PTPN9: variants seen among roughly 807,000 people sequenced by gnomAD.
PTPN9 encodes the protein protein tyrosine phosphatase non-receptor type 9.
A neutral mutation model predicts 69.8 loss-of-function variants in PTPN9; 26 were observed. That is an observed-to-expected ratio of 0.37 (90% confidence interval 0.27 to 0.52). The LOEUF (loss-of-function observed/expected upper bound fraction) is 0.52. Ranked by LOEUF, PTPN9 falls within the 20% of genes least tolerant of loss-of-function variation. PTPN9 has a pLI of 0.91. For synonymous variants in PTPN9, 274 were observed against 272.5 expected (o/e 1.01, Z -0.05); for missense variants, 549 against 740.3 (o/e 0.74, Z 3.00).
chr15:75,545,929 C>T (rs1397882109), intron 1 of PTPN9, among the ~76,000 whole-genome samples: 1 of 152,110 alleles, frequency 6.6e-6, no homozygotes, highest in Non-Finnish European at 1.5e-5. Flanking sequence ...GCCTGGGTGA[C>T]AGAGCAAGAT....
intron 1 of PTPN9, among the ~76,000 whole-genome samples, chr15:75,577,054 T>C (rs1421134166): frequency 6.6e-6 from 1 of 152,180 alleles, no homozygotes; most frequent in Admixed American, 6.6e-5. Context: ...GTTTCCATCC[T>C]AGTCCTTGTT....
chr15:75,554,528 T>A (rs984058511), intron 1 of PTPN9, among the ~76,000 whole-genome samples: 1 of 151,640 alleles, frequency 6.6e-6, no homozygotes, highest in Non-Finnish European at 1.5e-5. Context: ...GGTCTCCCCA[T>A]GTTGCCCAGG....
intron 1 of PTPN9, 76 bp downstream of exon 1, chr15:75,578,638 G>T: frequency 8.6e-7 from 1 of 1,165,568 alleles, no homozygotes; most frequent in Non-Finnish European, 1.1e-6. Context: ...CAAAGAGCCG[G>T]CACTCGGGAG....
chr15:75,517,930 G>A (rs1251124258), intron 4 of PTPN9, among the ~76,000 whole-genome samples: 1 of 152,190 alleles, frequency 6.6e-6, no homozygotes, highest in East Asian at 1.9e-4. Context: ...TCAGTAGACT[G>A]GAAGCCCATC....
intron 7 of PTPN9, among the ~76,000 whole-genome samples, chr15:75,501,634 T>A (rs1416806831): frequency 6.6e-6 from 1 of 152,000 alleles, no homozygotes; most frequent in East Asian, 1.9e-4. Flanking sequence ...TCGTTTTTTA[T>A]TTTTGTAGAG....
At position 75,578,605 on chromosome 15, in the gene PTPN9, G is replaced by T; in HGVS notation, c.63+109C>A. ...AGGCCCGCGAGCCGGGCACGGGAGC[G>T]GGGGGCTGCGGCCCCGTGGCTGCAA... On this transcript the variant is annotated intron_variant, in intron 1 of 12. Coordinates refer to ENST00000618819, the MANE Select transcript of PTPN9 (RefSeq NM_002833.4). The T allele has an allele frequency of 4.4e-6, 4 of 913,626 alleles. No homozygotes were observed. In the South Asian group the frequency reaches 1.2e-4, roughly 26 times the overall value. The allele number at this position is 913,626 out of a possible 1,614,324, so 56.6% of individuals were successfully genotyped here.
chr15:75,496,498 CTT>C (rs34799690), intron 7 of PTPN9, among the ~76,000 whole-genome samples: 10 of 146,706 alleles, frequency 6.8e-5, no homozygotes, highest in East Asian at 2.0e-4. Flanking sequence ...GTATTATTAA[CTT>C]TTTTTTTTTT....
At chr15:75,560,590 G>A (rs1343483796) in intron 1 of PTPN9, among the ~76,000 whole-genome samples, 1 of 152,234 alleles carries the variant, frequency 6.6e-6, no homozygotes, top group Non-Finnish European at 1.5e-5. Flanking sequence ...ATAACTTCCT[G>A]GCTGGGTGCA....
At position 75,514,563 on chromosome 15, in the gene PTPN9, G is replaced by A. The variant is rs548559649; in HGVS notation, c.528+2696C>T. On this transcript the variant is annotated intron_variant, in intron 5 of 12. Transcript: ENST00000618819. ...CACTGCACTCAGCCTTGGCAACAGA[G>A]CAAGACCTGGTCTTAAAAAAAAGGA... 3.3e-5 allele frequency among the ~76,000 whole-genome samples: 5 copies of A among 152,260 alleles called. No individual in the cohort carries two copies. In the East Asian group the frequency reaches 7.7e-4, roughly 23 times the overall value.
chr15:75,467,842 T>A lies in PTPN9; in HGVS notation c.*927A>T, dbSNP rs1481545580. 6.6e-6 allele frequency: 1 copy of A among 152,578 alleles called. No homozygotes were observed. Among genetic ancestry groups the A allele is most frequent in the African/African-American group, 2.4e-5 (1 of 41,428 alleles). The allele number at this position is 152,578 out of a possible 1,614,324, so 9.5% of individuals were successfully genotyped here. A position where few individuals can be genotyped will look rare whatever the true frequency, so the allele number is the denominator to read the frequency against. ...CACAGTGGAGGTCTGTTCCCCAAATTGGCCAAGTAAATGTAGAAAAATCAT... is the reference window on the plus strand; with the variant it reads ...CACAGTGGAGGTCTGTTCCCCAAATAGGCCAAGTAAATGTAGAAAAATCAT... On this transcript the variant is annotated 3_prime_UTR_variant, in exon 13 of 13. Coordinates refer to ENST00000618819, the MANE Select transcript of PTPN9 (RefSeq NM_002833.4).
At chr15:75,503,092 C>T (rs1242580457) in intron 7 of PTPN9, among the ~76,000 whole-genome samples, 2 of 150,794 alleles carry the variant, frequency 1.3e-5, no homozygotes, top group East Asian at 2.0e-4. Context: ...TCTGCCTGGC[C>T]GCCCATCGTC....
chr15:75,492,913 G>A (rs1233081955), intron 7 of PTPN9, among the ~76,000 whole-genome samples: 2 of 152,090 alleles, frequency 1.3e-5, no homozygotes, highest in Non-Finnish European at 2.9e-5. Flanking sequence ...AACTCTTTGG[G>A]AGGGCCAAGG....
intron 5 of PTPN9, chr15:75,513,502 C>T: frequency 9.2e-6 from 4 of 436,424 alleles, no homozygotes; most frequent in Non-Finnish European, 1.8e-5. Context: ...CGTGGTGGAT[C>T]ACACCTGTAA....
intron 7 of PTPN9, among the ~76,000 whole-genome samples, chr15:75,505,001 G>A (rs1387957292): frequency 6.6e-6 from 1 of 152,206 alleles, no homozygotes; most frequent in Non-Finnish European, 1.5e-5. Flanking sequence ...TGACAATGGC[G>A]GTTTTGTGGA....
At chr15:75,489,420 C>T (rs938846220) in intron 8 of PTPN9, among the ~76,000 whole-genome samples, 3 of 152,038 alleles carry the variant, frequency 2.0e-5, no homozygotes, top group African/African-American at 7.2e-5. Context: ...GAGAACTTGT[C>T]TCTACAAAAG....
In PTPN9 at chr15:75,467,457, G is replaced by A. The variant is rs2074541558; in HGVS notation, c.*1312C>T. 6.6e-6 allele frequency: 1 copy of A among 152,440 alleles called. No individual in the cohort carries two copies. Among genetic ancestry groups the A allele is most frequent in the Admixed American group, 6.6e-5 (1 of 15,228 alleles). The allele number at this position is 152,440 out of a possible 1,614,324, so 9.4% of individuals were successfully genotyped here. ...GGGAGCAGGCAGGGACAGGTTGGGT[G>A]GGTAGGGGACAAACAGTGATTGCAG... On this transcript the variant is annotated 3_prime_UTR_variant, in exon 13 of 13. Transcript: ENST00000618819.
At chr15:75,565,115 A>G (rs1039885575) in intron 1 of PTPN9, among the ~76,000 whole-genome samples, 1 of 69,902 alleles carries the variant, frequency 1.4e-5, no homozygotes, top group Non-Finnish European at 2.7e-5. Flanking sequence ...AATATATAAT[A>G]ATAATAATAA....
At chr15:75,569,137 T>C (rs1390410783) in intron 1 of PTPN9, among the ~76,000 whole-genome samples, 2 of 152,134 alleles carry the variant, frequency 1.3e-5, no homozygotes, top group Non-Finnish European at 2.9e-5. Context: ...TTGTCTGATA[T>C]ACCAAGGCAG....
rs1206514413 is a variant in PTPN9, at chr15:75,504,744, A to C, written c.968+931T>G. On this transcript the variant is annotated intron_variant, in intron 7 of 12. Coordinates refer to ENST00000618819, the MANE Select transcript of PTPN9 (RefSeq NM_002833.4). The stretch of plus-strand genomic sequence containing the variant: ...GGGGCGCCTCTGCCCGGCCGCCCCT[A>C]CTGGGAAGTGAGGAGCCCCTCTGCC... Among the ~76,000 whole-genome samples, 1,147 of 137,078 alleles carry C rather than the reference A, an allele frequency of 8.4e-3. 11 individuals are homozygous for C. The highest frequency in any genetic ancestry group is 0.012 in the Non-Finnish European group (746 of 63,758). 89.9% of individuals were successfully genotyped at this position (137,078 alleles called of 152,430 possible). A position where few individuals can be genotyped will look rare whatever the true frequency, so the allele number is the denominator to read the frequency against.
Sources: gnomAD v4.1 joint callset for allele counts (sites outside exome capture counted in the v4.1 genomes callset) on GRCh38, gnomAD v4.1.1 for gene constraint, MANE v1.5 for transcripts, NCBI Gene and HGNC (gene_info 2026-07-23, HGNC 2026-07-21) for gene names.